Variants in ZNF236 observed in about 807,000 individuals in gnomAD.
ZNF236 encodes regulated by glucose.
In ZNF236, 50 loss-of-function variants were observed where a neutral mutation model predicts 191.2. The observed-to-expected ratio is 0.26, with a 90% CI of 0.21 to 0.33. The LOEUF (loss-of-function observed/expected upper bound fraction) is 0.33. Ranked by LOEUF, ZNF236 falls within the 10% of genes least tolerant of loss-of-function variation. The probability of loss-of-function intolerance (pLI) is 1.00; values close to 1 mark genes in which losing one functional copy is unlikely to be tolerated. For missense variants in ZNF236, 1,754 were observed against 2,374.5 expected (o/e 0.74, Z 5.43); for synonymous variants, 907 against 928.8 (o/e 0.98, Z 0.43).
intron 27 of ZNF236, among the ~76,000 whole-genome samples, chr18:76,955,548 A>G (rs1968502962): frequency 6.6e-6 from 1 of 152,240 alleles, no homozygotes; most frequent in African/African-American, 2.4e-5. Context: ...AAAAGCTAGA[A>G]ACACTTTTTG....
chr18:76,870,400 G>A (rs1481701342), intron 4 of ZNF236, among the ~76,000 whole-genome samples: 1 of 152,090 alleles, frequency 6.6e-6, no homozygotes, highest in Non-Finnish European at 1.5e-5. Context: ...CATTTTTGAT[G>A]TTTCCTTGGA....
In ZNF236 at chr18:76,925,452, A is replaced by G. The variant is rs930954112; in HGVS notation, c.3925A>G (p.Asn1309Asp). The G allele has an allele frequency of 1.9e-6, 3 of 1,614,052 alleles. No homozygotes were observed. The African/African-American group carries it at 4.0e-5, about 22-fold the overall frequency. Reference protein sequence around the residue: ...NLLNSSSTDPNVFIMNNSVLT... With the variant: ...NLLNSSSTDPDVFIMNNSVLT... ...CCTCAACTCCTCCTCTACTGACCCA[A>G]ACGTGTTTATCATGAACAACTCTGT... The change falls in exon 22 of 31, where the codon AAC becomes GAC. Residue 1309 changes from asparagine to aspartate, a missense_variant. Coordinates refer to ENST00000320610, the MANE Select transcript of ZNF236 (RefSeq NM_001306089.2). This position sits in a 1 kb window ranked among gnomAD's most constrained non-coding sequence, Gnocchi z 5.7.
chr18:76,920,139 C>T (rs1967494307), intron 20 of ZNF236, 81 bp downstream of exon 20: 1 of 1,472,364 alleles, frequency 6.8e-7, no homozygotes, highest in Middle Eastern at 2.5e-4. Context: ...ATTTTCACTG[C>T]AGCAGGGCCA....
In ZNF236 at chr18:76,947,553, C is replaced by T; in HGVS notation, c.4815C>T (p.Pro1605=). 6.2e-7 allele frequency: 1 copy of T among 1,613,296 alleles called. No individual in the cohort carries two copies. Among genetic ancestry groups the T allele is most frequent in the Non-Finnish European group, 8.5e-7 (1 of 1,179,584 alleles). ...GQQFPALLTD[P]SLSGQGGAGS... Reference sequence around the variant, plus strand: ...AGTTCCCAGCGCTCCTCACGGATCCCTCTCTCTCGGGCCAGGGTGGAGCAG... The same window carrying T: ...AGTTCCCAGCGCTCCTCACGGATCCTTCTCTCTCGGGCCAGGGTGGAGCAG... The change falls in exon 27 of 31, where the codon CCC becomes CCT. Residue 1605 remains proline (P), a synonymous_variant. Coordinates refer to ENST00000320610, the MANE Select transcript of ZNF236 (RefSeq NM_001306089.2).
chr18:76,966,648 A>G (rs1221893639), intron 30 of ZNF236, among the ~76,000 whole-genome samples: 1 of 152,120 alleles, frequency 6.6e-6, no homozygotes. Flanking sequence ...ATCTGCACCA[A>G]CTGCTCCTGT....
chr18:76,849,783 T>C (rs969232084), intron 2 of ZNF236, 115 bp downstream of exon 2: 1 of 951,808 alleles, frequency 1.1e-6, no homozygotes, highest in Admixed American at 3.9e-5. Flanking sequence ...TAGAACATTT[T>C]ATATTCTACA....
At chr18:76,860,244 A>G (rs1462747602) in intron 3 of ZNF236, among the ~76,000 whole-genome samples, 1 of 152,082 alleles carries the variant, frequency 6.6e-6, no homozygotes, top group Non-Finnish European at 1.5e-5. Context: ...TGTGCATGCC[A>G]CATGTTCTGG....
Position 76,849,523 on chromosome 18 carries a change from T to C in ZNF236, c.56-3T>C. ...TATTGTCTATACTTATGCAATTTTA[T>C]AGATGGAGTTTTAACATTGAATGCG... is the stretch of plus-strand genomic sequence containing the variant. On this transcript the variant is annotated splice_polypyrimidine_tract_variant and splice_region_variant and intron_variant, in intron 1 of 30. Coordinates refer to ENST00000320610, the MANE Select transcript of ZNF236 (RefSeq NM_001306089.2). 6.2e-7 allele frequency: 1 copy of C among 1,601,026 alleles called. No individual in the cohort carries two copies. Among genetic ancestry groups the C allele is most frequent in the South Asian group, 1.1e-5 (1 of 87,940 alleles).
At chr18:76,864,256 G>A (rs936270976) in intron 3 of ZNF236, among the ~76,000 whole-genome samples, 2 of 148,654 alleles carry the variant, frequency 1.3e-5, no homozygotes, top group African/African-American at 5.0e-5. Flanking sequence ...CTGGAGTGCA[G>A]TGGCACTGTG....
chr18:76,851,859 C>T lies in ZNF236; in HGVS notation c.283C>T (p.Pro95Ser), dbSNP rs770989705. Reference sequence around the variant, plus strand: ...TAAATGCACCCACAGCGGGGAAGATCCTACCTGCCCTGTGTGTAACAAGAA... The same window carrying T: ...TAAATGCACCCACAGCGGGGAAGATTCTACCTGCCCTGTGTGTAACAAGAA... ...LHKCTHSGED[P>S]TCPVCNKKFS... Residue 95 changes from proline to serine, a missense_variant, in exon 3 of 31, where the codon CCT becomes TCT. Physicochemically the swap from Pro to Ser is moderately conservative, Grantham distance 74. Around this residue, in one of 5 missense-constraint regions of ZNF236, gnomAD observed 336 missense variants for 495.1 expected, o/e 0.68. Coordinates refer to ENST00000320610, the MANE Select transcript of ZNF236 (RefSeq NM_001306089.2). 5.0e-6 allele frequency: 8 copies of T among 1,614,080 alleles called. No individual in the cohort carries two copies. In the South Asian group the frequency reaches 6.6e-5, roughly 13 times the overall value.
intron 3 of ZNF236, among the ~76,000 whole-genome samples, chr18:76,862,309 A>G (rs1976263187): frequency 6.6e-6 from 1 of 152,164 alleles, no homozygotes; most frequent in Non-Finnish European, 1.5e-5. Flanking sequence ...ACAGAACAGA[A>G]AATCTTTTTA....
rs182558699 is a variant in ZNF236, at chr18:76,871,960, C to T, written c.667+135C>T. On this transcript the variant is annotated intron_variant, in intron 5 of 30. Transcript: ENST00000320610. Reference sequence around the variant, plus strand: ...TGGATAATCTTGCTGAAATTAGTTACTCTTTGTGTGATTTTATTTCCTCAC... The same window carrying T: ...TGGATAATCTTGCTGAAATTAGTTATTCTTTGTGTGATTTTATTTCCTCAC... The T allele has an allele frequency of 1.5e-4, 162 of 1,112,304 alleles. No individual in the cohort carries two copies. In the Middle Eastern group the frequency reaches 2.0e-3, roughly 14 times the overall value. The allele number at this position is 1,112,304 out of a possible 1,614,324, so 68.9% of individuals were successfully genotyped here.
At chr18:76,957,137 C>G (rs1035602183) in intron 28 of ZNF236, among the ~76,000 whole-genome samples, 2 of 151,168 alleles carry the variant, frequency 1.3e-5, no homozygotes, top group Non-Finnish European at 2.9e-5. Context: ...CCTTGGGGTT[C>G]CTGTGTATGT....
intron 30 of ZNF236, among the ~76,000 whole-genome samples, chr18:76,965,105 T>G (rs1185582574): frequency 1.3e-5 from 2 of 152,174 alleles, no homozygotes; most frequent in Non-Finnish European, 2.9e-5. Context: ...TTTGCCTTTG[T>G]TAGATTGGGT....
At chr18:76,827,140 C>T (rs2122369796) in intron 1 of ZNF236, among the ~76,000 whole-genome samples, 1 of 152,224 alleles carries the variant, frequency 6.6e-6, no homozygotes, top group Admixed American at 6.5e-5. Context: ...GGGTGATCCT[C>T]CCACCTCGCC....
At chr18:76,958,540 T>C (rs964113004) in intron 28 of ZNF236, among the ~76,000 whole-genome samples, 4 of 152,216 alleles carry the variant, frequency 2.6e-5, no homozygotes, top group African/African-American at 7.2e-5. Context: ...GCCTGCTGTA[T>C]GCACAGAAGG....
Position 76,849,540 on chromosome 18 carries a change from T to G in ZNF236, c.70T>G (p.Leu24Val). The change falls in exon 2 of 31, where the codon TTG (leucine) becomes GTG (valine). Residue 24 changes from leucine to valine, a missense_variant. Leu to Val is a conservative substitution (Grantham distance 32). This residue lies in a region of ZNF236 where 336 missense variants were observed against 495.1 expected (regional missense o/e 0.68). Coordinates refer to ENST00000320610, the MANE Select transcript of ZNF236 (RefSeq NM_001306089.2). The part of the protein sequence containing the change: ...ARGDSDGVLT[L>V]NAENTNYAYQ... ...CAATTTTATAGATGGAGTTTTAACA[T>G]TGAATGCGGAGAACACTAATTATGC... 2.5e-6 allele frequency: 4 copies of G among 1,608,880 alleles called. No individual in the cohort carries two copies. Among genetic ancestry groups the G allele is most frequent in the Non-Finnish European group, 3.4e-6 (4 of 1,178,532 alleles).
At chr18:76,868,956 A>G (rs963472547) in intron 4 of ZNF236, 93 bp downstream of exon 4, 7 of 1,286,310 alleles carry the variant, frequency 5.4e-6, no homozygotes, top group Non-Finnish European at 7.4e-6. Context: ...ATTTGCTGCA[A>G]GAACCCAGCA....
chr18:76,925,569 G>A lies in ZNF236; in HGVS notation c.4027+15G>A, dbSNP rs375658930. 7.6e-5 allele frequency: 122 copies of A among 1,606,312 alleles called. 1 individual carries two copies. The highest frequency in any genetic ancestry group is 8.8e-5 in the South Asian group (8 of 90,806). On this transcript the variant is annotated intron_variant, in intron 22 of 30. Transcript: ENST00000320610. This position sits in a 1 kb window ranked among gnomAD's most constrained non-coding sequence, Gnocchi z 5.7. ...CTCTGTGTCAGGTAAACGCTGAGCC[G>A]AGGGAATGAGAGCAGCACAGTGATT...
Sources: gnomAD v4.1 joint callset for allele counts (sites outside exome capture counted in the v4.1 genomes callset) on GRCh38, gnomAD v4.1.1 for gene constraint, gnomAD v4.1.1 regional missense constraint, Gnocchi (gnomAD v3.1) non-coding constraint, MANE v1.5 for transcripts, NCBI Gene and HGNC (gene_info 2026-07-23, HGNC 2026-07-21) for gene names.